The following ANKRD55 variants were observed in gnomAD, a reference collection of about 807,000 sequenced individuals.
ANKRD55 encodes ankyrin repeat domain 55, also known as ankyrin repeat domain-containing protein 55.
ANKRD55 carries 41 observed loss-of-function variants against 60.6 expected under a neutral mutation model. The observed-to-expected ratio is 0.68, with a 90% confidence interval of 0.53 to 0.88. The LOEUF (loss-of-function observed/expected upper bound fraction) is 0.88, where lower values mean the gene tolerates loss of function less well. Ranked by LOEUF, ANKRD55 falls within the 40% of genes least tolerant of loss-of-function variation. The pLI is 0.00. For synonymous variants in ANKRD55, 264 were observed against 290.3 expected, an observed-to-expected ratio of 0.91 and a Z score of 0.92; for missense variants, 732 against 767.6, an observed-to-expected ratio of 0.95 and a Z score of 0.55.
intron 7 of ANKRD55, among the ~76,000 whole-genome samples, chr5:56,131,756 A>G (rs1757420904): frequency 7.6e-6 from 1 of 131,274 alleles, no homozygotes; most frequent in East Asian, 2.4e-4. Context: ...AGATCGCGCC[A>G]TTGCACTCCA....
chr5:56,199,103 A>T (rs1352048533), intron 2 of ANKRD55, among the ~76,000 whole-genome samples: 1 of 150,364 alleles, frequency 6.7e-6, no homozygotes, highest in Admixed American at 6.6e-5. Context: ...AAACAAACAA[A>T]CCCAAAAAAA....
chr5:56,152,275 GAA>G (rs1438994187), intron 6 of ANKRD55, among the ~76,000 whole-genome samples: 2 of 151,220 alleles, frequency 1.3e-5, no homozygotes, highest in Non-Finnish European at 2.9e-5. Context: ...GTGGTAAGTA[GAA>G]GTGATGCTAA....
chr5:56,222,355 C>T (rs971271443), intron 2 of ANKRD55, among the ~76,000 whole-genome samples: 2 of 152,172 alleles, frequency 1.3e-5, no homozygotes, highest in African/African-American at 4.8e-5. Flanking sequence ...ATGTCACCAT[C>T]ATCAAAGACC....
intron 2 of ANKRD55, among the ~76,000 whole-genome samples, chr5:56,201,325 G>T (rs1581017952): frequency 6.6e-6 from 1 of 152,196 alleles, no homozygotes; most frequent in Non-Finnish European, 1.5e-5. Flanking sequence ...GTAATAAAGA[G>T]TCTCTGTGGA....
At chr5:56,185,546 T>C (rs551400992) in intron 2 of ANKRD55, among the ~76,000 whole-genome samples, 23 of 151,848 alleles carry the variant, frequency 1.5e-4, no homozygotes, top group African/African-American at 5.6e-4. Context: ...TGCATGCCTG[T>C]AATTCCAGCT....
intron 7 of ANKRD55, chr5:56,137,261 TA>T: frequency 6.2e-7 from 1 of 1,603,448 alleles, no homozygotes. Flanking sequence ...TGCACATGCT[TA>T]AAAATGCAGA....
At chr5:56,147,938 G>A (rs1414132915) in intron 6 of ANKRD55, among the ~76,000 whole-genome samples, 1 of 152,108 alleles carries the variant, frequency 6.6e-6, no homozygotes, top group Non-Finnish European at 1.5e-5. Context: ...GTTGTCTTAT[G>A]TTAAAATTCT....
chr5:56,229,468 C>T (rs1760196106), intron 2 of ANKRD55, among the ~76,000 whole-genome samples: 1 of 152,134 alleles, frequency 6.6e-6, no homozygotes, highest in Non-Finnish European at 1.5e-5. Context: ...ATCGTTGGGC[C>T]TTCCAGCAGC....
chr5:56,186,114 A>G (rs1758967487), intron 2 of ANKRD55, among the ~76,000 whole-genome samples: 1 of 152,188 alleles, frequency 6.6e-6, no homozygotes, highest in Non-Finnish European at 1.5e-5. Flanking sequence ...TGCACTGACC[A>G]GCTGTGTGGA....
chr5:56,113,365 T>C (rs555377870), intron 9 of ANKRD55, among the ~76,000 whole-genome samples: 7 of 152,132 alleles, frequency 4.6e-5, no homozygotes, highest in South Asian at 2.1e-4. Flanking sequence ...AAAAAAAAAG[T>C]CCTTTAACTT....
intron 7 of ANKRD55, among the ~76,000 whole-genome samples, chr5:56,143,151 G>C (rs1322524840): frequency 6.6e-6 from 1 of 152,170 alleles, no homozygotes; most frequent in Non-Finnish European, 1.5e-5. Flanking sequence ...AGACGGGCTG[G>C]CAAGTTTATG....
intron 8 of ANKRD55, among the ~76,000 whole-genome samples, chr5:56,117,361 A>C (rs961335001): frequency 6.6e-6 from 1 of 152,164 alleles, no homozygotes; most frequent in Non-Finnish European, 1.5e-5. Context: ...ACTAATTTGT[A>C]TGTGCTCTTT....
intron 4 of ANKRD55, among the ~76,000 whole-genome samples, chr5:56,173,494 G>A (rs565463594): frequency 4.7e-5 from 7 of 147,772 alleles, no homozygotes; most frequent in African/African-American, 1.5e-4. Flanking sequence ...CACCATGCCC[G>A]GCTCCAATTC....
chr5:56,118,192 A>C (rs1487266539), intron 8 of ANKRD55, among the ~76,000 whole-genome samples: 1 of 152,098 alleles, frequency 6.6e-6, no homozygotes, highest in Non-Finnish European at 1.5e-5. Context: ...AAAAATATTC[A>C]CCAGTATTTA....
Position 56,183,589 on chromosome 5 carries a change from G to A in ANKRD55, c.104C>T (p.Ala35Val). ...CAGAGCATTGACATCTCCATTAGAGGCTGCTTGATAAACCATGGTCAGGTC... is the reference window on the plus strand; with the variant it reads ...CAGAGCATTGACATCTCCATTAGAGACTGCTTGATAAACCATGGTCAGGTC... ...EVDLTMVYQA[A>V]SNGDVNALTA... is the part of the protein sequence containing the mutation. Residue 35 changes from alanine to valine, a missense_variant, in exon 3 of 12, where the codon GCC becomes GTC. Physicochemically the swap from Ala to Val is moderately conservative, Grantham distance 64. This residue lies in a region of ANKRD55 where 131 missense variants were observed against 142.7 expected (regional missense o/e 0.92). Transcript: ENST00000341048. 1 of 1,614,158 alleles carries A rather than the reference G, an allele frequency of 6.2e-7. No homozygotes were observed.
intron 6 of ANKRD55, among the ~76,000 whole-genome samples, chr5:56,146,009 T>C (rs1023277887): frequency 3.9e-5 from 6 of 152,162 alleles, no homozygotes; most frequent in African/African-American, 1.4e-4. Context: ...ACAAGGGAAT[T>C]ATATTTTAAA....
intron 3 of ANKRD55, among the ~76,000 whole-genome samples, chr5:56,179,748 CT>C (rs1419728066): frequency 1.3e-5 from 2 of 152,182 alleles, no homozygotes; most frequent in Admixed American, 6.6e-5. Context: ...AGCTATGAAA[CT>C]TTGGCTAAGA....
intron 2 of ANKRD55, among the ~76,000 whole-genome samples, chr5:56,199,760 G>A (rs1009612867): frequency 7.2e-5 from 11 of 151,774 alleles, no homozygotes; most frequent in Admixed American, 2.0e-4. Context: ...GCGTGGTGGC[G>A]GGCGCCTGTA....
At chr5:56,130,325 T>A (rs897972423) in intron 7 of ANKRD55, among the ~76,000 whole-genome samples, 6 of 152,190 alleles carry the variant, frequency 3.9e-5, no homozygotes, top group Non-Finnish European at 8.8e-5. Context: ...TTCAACTCCA[T>A]CTAGCTCTAG....
Sources: allele counts gnomAD v4.1 joint callset (sites outside exome capture counted in the v4.1 genomes callset), GRCh38; gene constraint gnomAD v4.1.1; regional missense constraint gnomAD v4.1.1; transcripts MANE v1.5; gene names NCBI Gene and HGNC (gene_info 2026-07-23, HGNC 2026-07-21).